The following VIT variants were observed in gnomAD, a reference collection of about 807,000 sequenced individuals.
The protein encoded by VIT is vitrin.
A neutral mutation model predicts 78.0 loss-of-function variants in VIT; 99 were observed. The observed-to-expected ratio is 1.27, with a 90% CI of 1.08 to 1.50. The LOEUF is 1.50. Among genes scored for constraint, VIT ranks in the 40% most tolerant of loss-of-function variants. The pLI is 0.00. For missense variants in VIT, 1,126 were observed against 875.3 expected, an observed-to-expected ratio of 1.29 and a Z score of -3.61; for synonymous variants, 374 against 334.3, an observed-to-expected ratio of 1.12 and a Z score of -1.29.
At chr2:36,704,715 T>C (rs1185762872) in intron 1 of VIT, among the ~76,000 whole-genome samples, 1 of 152,166 alleles carries the variant, frequency 6.6e-6, no homozygotes, top group Admixed American at 6.5e-5. Context: ...CCCAGGTCTC[T>C]GGTTGCTGGG....
At position 36,800,534 on chromosome 2, in the gene VIT, G is replaced by A. The variant is rs185689549; in HGVS notation, c.1059-767G>A. Among the ~76,000 whole-genome samples the A allele has an allele frequency of 7.9e-5, 12 of 152,236 alleles. No individual in the cohort carries two copies. The South Asian group carries it at 2.1e-3, about 26-fold the overall frequency. ...CCCTGTGTGACTGCGCAGGTCTCACGCCCACGAAGTCAGCGCTGCCTGTGG... is the reference window on the plus strand; with the variant it reads ...CCCTGTGTGACTGCGCAGGTCTCACACCCACGAAGTCAGCGCTGCCTGTGG... On this transcript the variant is annotated intron_variant, in intron 12 of 15. Coordinates refer to ENST00000379242, the MANE Select transcript of VIT (RefSeq NM_053276.4).
intron 1 of VIT, among the ~76,000 whole-genome samples, chr2:36,715,737 A>G (rs1666091644): frequency 6.6e-6 from 1 of 152,160 alleles, no homozygotes; most frequent in Non-Finnish European, 1.5e-5. Flanking sequence ...ATACTATTAA[A>G]TAATATGCAG....
chr2:36,732,395 T>C (rs1027661499), intron 3 of VIT, among the ~76,000 whole-genome samples: 2 of 152,156 alleles, frequency 1.3e-5, no homozygotes, highest in African/African-American at 4.8e-5. Context: ...AATTAGAAAC[T>C]CTAGCACAAT....
At chr2:36,787,961 T>C (rs1665222494) in intron 12 of VIT, 1 of 336,884 alleles carries the variant, frequency 3.0e-6, no homozygotes, top group African/African-American at 2.2e-5. Flanking sequence ...CAATCTTTCA[T>C]TTGGCGGTAA....
intron 4 of VIT, among the ~76,000 whole-genome samples, chr2:36,750,826 A>G (rs1668415221): frequency 6.6e-6 from 1 of 152,048 alleles, no homozygotes; most frequent in African/African-American, 2.4e-5. Flanking sequence ...GTCTCAAAAA[A>G]AAAAAGAAGA....
rs180945055 is a variant in VIT, at chr2:36,727,456, C to A, written c.53-1970C>A. 3.2e-4 allele frequency among the ~76,000 whole-genome samples: 49 copies of A among 152,322 alleles called. No individual in the cohort carries two copies. In the East Asian group the frequency reaches 8.9e-3, roughly 28 times the overall value. The stretch of plus-strand genomic sequence containing the variant: ...AGGAAGGGCCAGGGTGCTCATCCCA[C>A]CTCCATCATTAATTCATGGGATGAG... On this transcript the variant is annotated intron_variant, in intron 2 of 15. Transcript: ENST00000379242.
intron 15 of VIT, among the ~76,000 whole-genome samples, chr2:36,809,419 A>G (rs933243487): frequency 3.9e-5 from 6 of 152,098 alleles, no homozygotes; most frequent in African/African-American, 1.4e-4. Context: ...ACTTTTATTT[A>G]TTTATTTATT....
intron 1 of VIT, among the ~76,000 whole-genome samples, chr2:36,714,709 C>T (rs1287355504): frequency 6.6e-6 from 1 of 152,194 alleles, no homozygotes; most frequent in Non-Finnish European, 1.5e-5. Context: ...GCAGATTCCT[C>T]CACCCACTTT....
At chr2:36,702,631 C>T (rs910836338) in intron 1 of VIT, among the ~76,000 whole-genome samples, 1 of 152,224 alleles carries the variant, frequency 6.6e-6, no homozygotes. Context: ...TGGCCACCAA[C>T]GGTAGTCTCT....
At chr2:36,768,599 A>G (rs1669576551) in intron 7 of VIT, among the ~76,000 whole-genome samples, 1 of 152,316 alleles carries the variant, frequency 6.6e-6, no homozygotes, top group East Asian at 1.9e-4. Flanking sequence ...CCAAGGAGTA[A>G]GGCAGTGAGG....
chr2:36,797,503 G>A (rs898730966), intron 12 of VIT, among the ~76,000 whole-genome samples: 8 of 152,004 alleles, frequency 5.3e-5, no homozygotes, highest in Non-Finnish European at 7.3e-5. Flanking sequence ...CTGGATGACT[G>A]AGTGAGTCAG....
intron 6 of VIT, among the ~76,000 whole-genome samples, chr2:36,765,414 CGAGAGAGAGAGAGAGAGAGAAA>C (rs1407859376): frequency 1.6e-4 from 1 of 6,450 alleles, no homozygotes; most frequent in Non-Finnish European, 9.5e-4. Context: ...TGGCAGCAGG[CGAGAGAGAGAGAGAGAGAGAAA>C]GAGAGAGAGA....
intron 1 of VIT, among the ~76,000 whole-genome samples, chr2:36,699,963 C>T (rs1191033673): frequency 6.6e-6 from 1 of 151,590 alleles, no homozygotes; most frequent in Non-Finnish European, 1.5e-5. Context: ...TCTATTACTA[C>T]TGCCTACCCC....
chr2:36,766,986 C>T, intron 6 of VIT, 108 bp from the exon 7 acceptor site: 1 of 1,265,530 alleles, frequency 7.9e-7, no homozygotes, highest in East Asian at 3.0e-5. Context: ...GTGGCTAGCA[C>T]AGCTCTGTGC....
intron 1 of VIT, among the ~76,000 whole-genome samples, chr2:36,712,564 G>A (rs1665870039): frequency 6.6e-6 from 1 of 152,086 alleles, no homozygotes; most frequent in Admixed American, 6.5e-5. Context: ...TTTGGCCGGG[G>A]GTGGTGGCTC....
chr2:36,747,403 C>A (rs1668202974), intron 4 of VIT, among the ~76,000 whole-genome samples: 2 of 152,068 alleles, frequency 1.3e-5, no homozygotes, highest in Admixed American at 1.3e-4. Context: ...TGTTGAAGTC[C>A]CCTACTATTA....
intron 12 of VIT, among the ~76,000 whole-genome samples, chr2:36,795,190 A>G (rs1665784880): frequency 6.6e-6 from 1 of 151,878 alleles, no homozygotes; most frequent in African/African-American, 2.4e-5. Flanking sequence ...AAATTTGCCT[A>G]CTCCTTAAAG....
At chr2:36,795,080 C>T (rs927271039) in intron 12 of VIT, among the ~76,000 whole-genome samples, 5 of 152,124 alleles carry the variant, frequency 3.3e-5, no homozygotes, top group Admixed American at 2.6e-4. Flanking sequence ...TATTTAGTAC[C>T]TCCTGGATGC....
At position 36,717,334 on chromosome 2, in the gene VIT, ATGTGTGTGTGTGTGTGTGTGTGTG is replaced by A. The variant is rs70946944; in HGVS notation, c.52+950_52+973del. The stretch of plus-strand genomic sequence containing the variant: ...AGGCTCCCACCACCACGCCTGGCTA[ATGTGTGTGTGTGTGTGTGTGTGTG>A]TGTGTGTGTGTGTGTGTGTGTGTGT... On this transcript the variant is annotated intron_variant, in intron 2 of 15. Transcript: ENST00000379242. Among the ~76,000 whole-genome samples, 25 of 64,136 alleles carry A rather than the reference ATGTGTGTGTGTGTGTGTGTGTGTG, an allele frequency of 3.9e-4. 1 individual carries two copies. Among genetic ancestry groups the A allele is most frequent in the Admixed American group, 8.0e-4 (4 of 4,988 alleles). The allele number at this position is 64,136 out of a possible 152,430, so 42.1% of individuals were successfully genotyped here. A position where few individuals can be genotyped will look rare whatever the true frequency, so the allele number is the denominator to read the frequency against.
Sources: allele counts gnomAD v4.1 joint callset (sites outside exome capture counted in the v4.1 genomes callset), GRCh38; gene constraint gnomAD v4.1.1; transcripts MANE v1.5; gene names NCBI Gene and HGNC (gene_info 2026-07-23, HGNC 2026-07-21).